The following SMAD1 variants were observed in gnomAD, a reference collection of about 807,000 sequenced individuals.
SMAD1 encodes SMAD family member 1, also known as MAD, mothers against decapentaplegic homolog 1.
SMAD1 carries 6 observed loss-of-function variants against 41.6 expected under a neutral mutation model. That is an observed-to-expected ratio of 0.14 (90% confidence interval 0.08 to 0.28). The LOEUF (loss-of-function observed/expected upper bound fraction) is 0.28. Among genes scored for constraint, SMAD1 ranks in the 10% least tolerant of loss-of-function variants. The pLI is 1.00. For synonymous variants in SMAD1, 206 were observed against 203.2 expected (o/e 1.01, Z -0.12); for missense variants, 379 against 582.6 (o/e 0.65, Z 3.60).
At chr4:145,530,030 A>G (rs1578797804) in intron 2 of SMAD1, among the ~76,000 whole-genome samples, 2 of 152,328 alleles carry the variant, frequency 1.3e-5, no homozygotes, top group East Asian at 3.9e-4. Flanking sequence ...TAGCAATACA[A>G]TTTACAAACA....
chr4:145,503,775 G>A (rs1355656562), intron 1 of SMAD1: 1 of 152,172 alleles, frequency 6.6e-6, no homozygotes, highest in Non-Finnish European at 1.5e-5. Flanking sequence ...GTTTTCTCTG[G>A]CTACTCTAGT....
intron 2 of SMAD1, among the ~76,000 whole-genome samples, chr4:145,527,940 A>C (rs879749230): frequency 2.0e-5 from 3 of 150,622 alleles, no homozygotes; most frequent in Admixed American, 2.0e-4. Context: ...GGCTCACTGC[A>C]ACTTCCACCG....
intron 2 of SMAD1, among the ~76,000 whole-genome samples, chr4:145,533,929 C>T (rs746201925): frequency 6.6e-6 from 1 of 152,080 alleles, no homozygotes; most frequent in Non-Finnish European, 1.5e-5. Flanking sequence ...AAGCCCTAAC[C>T]CCAAGCACCA....
chr4:145,553,834 G>C lies in SMAD1; in HGVS notation c.1048G>C (p.Asp350His). Residue 350 changes from aspartate to histidine, a missense_variant, in exon 6 of 7, where the codon GAC becomes CAC. By Grantham distance (81) the Asp-to-His change is moderately conservative. Transcript: ENST00000302085. The part of the protein sequence containing the change: ...GGEVYAECLS[D>H]SSIFVQSRNC... ...GGAGGTGTATGCCGAATGCCTTAGT[G>C]ACAGTAGCATCTTTGTGCAAAGTCG... 1 of 1,613,884 alleles carries C rather than the reference G, an allele frequency of 6.2e-7. No individual in the cohort carries two copies. Among genetic ancestry groups the C allele is most frequent in the Non-Finnish European group, 8.5e-7 (1 of 1,179,774 alleles).
intron 1 of SMAD1, among the ~76,000 whole-genome samples, chr4:145,505,196 C>A (rs549684318): frequency 6.6e-6 from 1 of 152,160 alleles, no homozygotes; most frequent in African/African-American, 2.4e-5. Context: ...CATTACAAGT[C>A]CCCTGGCATG....
At chr4:145,499,726 G>C (rs1484844259) in intron 1 of SMAD1, among the ~76,000 whole-genome samples, 4 of 152,092 alleles carry the variant, frequency 2.6e-5, no homozygotes, top group Non-Finnish European at 5.9e-5. Context: ...TATATATTCA[G>C]AATATTCCAA....
At chr4:145,504,608 CTGTT>C (rs1729662730) in intron 1 of SMAD1, among the ~76,000 whole-genome samples, 1 of 152,172 alleles carries the variant, frequency 6.6e-6, no homozygotes, top group Non-Finnish European at 1.5e-5. Flanking sequence ...TACTATTTCT[CTGTT>C]TGGAAATGTG....
intron 2 of SMAD1, among the ~76,000 whole-genome samples, chr4:145,519,088 CTTTTTT>C (rs771498383): frequency 2.9e-5 from 1 of 34,892 alleles, no homozygotes; most frequent in African/African-American, 9.1e-5. Context: ...GTTTGGTTGG[CTTTTTT>C]TTTTTTTTTT....
At position 145,482,533 on chromosome 4, in the gene SMAD1, C is replaced by T. The variant is rs1487855820; in HGVS notation, c.-177+495C>T. 6.6e-6 allele frequency: 1 copy of T among 151,698 alleles called. No individual in the cohort carries two copies. Among genetic ancestry groups the T allele is most frequent in the Non-Finnish European group, 1.5e-5 (1 of 67,892 alleles). 9.4% of individuals were successfully genotyped at this position (151,698 alleles called of 1,614,324 possible). A position where few individuals can be genotyped will look rare whatever the true frequency, so the allele number is the denominator to read the frequency against. On this transcript the variant is annotated intron_variant, in intron 1 of 6. Coordinates refer to ENST00000302085, the MANE Select transcript of SMAD1 (RefSeq NM_005900.3). The surrounding 1 kb of genome is among the most constrained non-coding windows in gnomAD (Gnocchi z 4.2). The stretch of plus-strand genomic sequence containing the variant: ...GGCGACCCCTGCGGGAGCTGGAGGA[C>T]GACCGCTGGCGCTGCTCTCCAAGGC...
At chr4:145,521,254 T>C (rs1253628173) in intron 2 of SMAD1, among the ~76,000 whole-genome samples, 3 of 152,316 alleles carry the variant, frequency 2.0e-5, no homozygotes, top group African/African-American at 7.2e-5. Flanking sequence ...CTAACTGTGG[T>C]ATTGAGAAGA....
rs1730241947 is a variant in SMAD1 at position 145,514,072 on chromosome 4, A to G, written c.-176-366A>G. The stretch of plus-strand genomic sequence containing the variant: ...AAAGTCCAAGATCAAGGTTCTGGAC[A>G]ATACAGGCTCTGGTGAGGGCTCTCT... On this transcript the variant is annotated intron_variant, in intron 1 of 6. Coordinates refer to ENST00000302085, the MANE Select transcript of SMAD1 (RefSeq NM_005900.3). The surrounding 1 kb of genome is among the most constrained non-coding windows in gnomAD (Gnocchi z 4.7). 6.6e-6 allele frequency among the ~76,000 whole-genome samples: 1 copy of G among 152,184 alleles called. No homozygotes were observed. The highest frequency in any genetic ancestry group is 1.5e-5 in the Non-Finnish European group (1 of 68,014).
intron 1 of SMAD1, among the ~76,000 whole-genome samples, chr4:145,504,458 G>A (rs542746426): frequency 2.0e-5 from 3 of 152,290 alleles, no homozygotes; most frequent in Admixed American, 6.5e-5. Context: ...TTTTCCTTAA[G>A]GAGCTGTACA....
chr4:145,548,350 T>G (rs941028582), intron 5 of SMAD1, among the ~76,000 whole-genome samples: 1 of 152,072 alleles, frequency 6.6e-6, no homozygotes, highest in Admixed American at 6.6e-5. Flanking sequence ...TGCCTCAGCC[T>G]CCTCAGTAGC....
chr4:145,508,898 G>A (rs1290044974), intron 1 of SMAD1, among the ~76,000 whole-genome samples: 2 of 152,176 alleles, frequency 1.3e-5, no homozygotes, highest in Non-Finnish European at 2.9e-5. Flanking sequence ...ATTTATGGGA[G>A]CTCCGTCCTC....
chr4:145,544,890 C>A (rs1337181093), intron 4 of SMAD1: 1 of 152,098 alleles, frequency 6.6e-6, no homozygotes, highest in Middle Eastern at 3.2e-3. Context: ...GACCCAGTAA[C>A]TATTATTACT....
intron 2 of SMAD1, among the ~76,000 whole-genome samples, chr4:145,537,134 C>T (rs1048001298): frequency 6.6e-6 from 1 of 152,082 alleles, no homozygotes; most frequent in African/African-American, 2.4e-5. Flanking sequence ...TACCTTAGGT[C>T]CTGTATCAGG....
rs370126897 is a variant in SMAD1 at position 145,531,708 on chromosome 4, G to A, written c.401-8096G>A. Among the ~76,000 whole-genome samples the A allele has an allele frequency of 2.3e-4, 35 of 152,148 alleles. No homozygotes were observed. In the South Asian group the frequency reaches 7.3e-3, roughly 32 times the overall value. Reference sequence around the variant, plus strand: ...GGCTCAAAGTCACAAAGGTGGTTACGGGAGTCAGGACTAGAACTAAGGTGT... The same window carrying A: ...GGCTCAAAGTCACAAAGGTGGTTACAGGAGTCAGGACTAGAACTAAGGTGT... On this transcript the variant is annotated intron_variant, in intron 2 of 6. Coordinates refer to ENST00000302085, the MANE Select transcript of SMAD1 (RefSeq NM_005900.3).
intron 5 of SMAD1, among the ~76,000 whole-genome samples, chr4:145,551,188 C>CT (rs1161059124): frequency 1.3e-5 from 2 of 152,222 alleles, no homozygotes; most frequent in East Asian, 3.9e-4. Flanking sequence ...GAGTTAAACT[C>CT]AGACTATACT....
At chr4:145,528,015 G>C (rs1469470767) in intron 2 of SMAD1, among the ~76,000 whole-genome samples, 1 of 149,790 alleles carries the variant, frequency 6.7e-6, no homozygotes, top group Non-Finnish European at 1.5e-5. Flanking sequence ...CGAGTGTCTG[G>C]GACTACAGGC....
Sources: gnomAD v4.1 joint callset for allele counts (sites outside exome capture counted in the v4.1 genomes callset) on GRCh38, gnomAD v4.1.1 for gene constraint, Gnocchi (gnomAD v3.1) non-coding constraint, MANE v1.5 for transcripts, NCBI Gene and HGNC (gene_info 2026-07-23, HGNC 2026-07-21) for gene names.